The following HACD2 variants were observed in gnomAD, a reference collection of about 807,000 sequenced individuals.
The protein encoded by HACD2 is 3-hydroxyacyl-CoA dehydratase 2, also known as very-long-chain (3R)-3-hydroxyacyl-CoA dehydratase 2.
HACD2 carries 15 observed loss-of-function variants against 31.0 expected under a neutral mutation model. The ratio of observed to expected loss-of-function variants is 0.48; its 90% CI spans 0.32 to 0.75. HACD2 has a LOEUF of 0.75. Among genes scored for constraint, HACD2 ranks in the 30% least tolerant of loss-of-function variants. The pLI is 0.03. For synonymous variants in HACD2, 115 were observed against 122.2 expected, an observed-to-expected ratio of 0.94 and a Z score of 0.39; for missense variants, 283 against 313.0, an observed-to-expected ratio of 0.90 and a Z score of 0.72.
intron 3 of HACD2, among the ~76,000 whole-genome samples, chr3:123,537,630 A>T (rs2056442764): frequency 6.6e-6 from 1 of 151,266 alleles, no homozygotes; most frequent in Non-Finnish European, 1.5e-5. Flanking sequence ...AAGTTTTAAA[A>T]TTTTTTTTTG....
chr3:123,552,017 G>A (rs918894402), intron 3 of HACD2, among the ~76,000 whole-genome samples: 2 of 152,138 alleles, frequency 1.3e-5, no homozygotes, highest in Non-Finnish European at 2.9e-5. Context: ...CAAATTCCAA[G>A]CACAGCTATC....
chr3:123,556,355 T>C (rs2056672553), intron 3 of HACD2, among the ~76,000 whole-genome samples: 1 of 151,188 alleles, frequency 6.6e-6, no homozygotes, highest in African/African-American at 2.4e-5. Flanking sequence ...GAGGATCACC[T>C]GAGCCCTGCA....
intron 2 of HACD2, among the ~76,000 whole-genome samples, chr3:123,570,775 A>C (rs547528836): frequency 6.2e-4 from 94 of 152,314 alleles, no homozygotes; most frequent in African/African-American, 2.0e-3. Context: ...GCAACAAGGA[A>C]TAGGAGAGGA....
intron 4 of HACD2, among the ~76,000 whole-genome samples, chr3:123,514,926 G>A (rs151011935): frequency 5.4e-4 from 83 of 152,296 alleles, no homozygotes; most frequent in African/African-American, 1.9e-3. Flanking sequence ...ATTCAGTTCT[G>A]TGTGAAAAGC....
At chr3:123,532,399 T>G (rs2056373303) in intron 3 of HACD2, among the ~76,000 whole-genome samples, 1 of 152,334 alleles carries the variant, frequency 6.6e-6, no homozygotes, top group East Asian at 1.9e-4. Context: ...CCTGCTCTAC[T>G]GGACCAGTCA....
chr3:123,509,203 T>C (rs890505189), intron 4 of HACD2, among the ~76,000 whole-genome samples: 3 of 151,962 alleles, frequency 2.0e-5, no homozygotes, highest in Non-Finnish European at 4.4e-5. Context: ...TTCATCATTG[T>C]TTTTTAAACC....
At chr3:123,525,813 T>C (rs1212476052) in intron 4 of HACD2, among the ~76,000 whole-genome samples, 1 of 152,248 alleles carries the variant, frequency 6.6e-6, no homozygotes, top group African/African-American at 2.4e-5. Context: ...TAAGCAGTTA[T>C]TTCTAAGGTC....
chr3:123,496,596 A>C (rs1425226963), intron 6 of HACD2, among the ~76,000 whole-genome samples: 1 of 152,224 alleles, frequency 6.6e-6, no homozygotes, highest in Non-Finnish European at 1.5e-5. Context: ...TAAGCATATA[A>C]TTCGACAGGC....
At chr3:123,529,920 A>G (rs1300026757) in intron 3 of HACD2, among the ~76,000 whole-genome samples, 1 of 152,212 alleles carries the variant, frequency 6.6e-6, no homozygotes, top group Non-Finnish European at 1.5e-5. Flanking sequence ...AATTTAAAAA[A>G]AAAAATATAT....
In HACD2 at chr3:123,550,915, G is replaced by C. The variant is rs111263885; in HGVS notation, c.292+16847C>G. Among the ~76,000 whole-genome samples the C allele has an allele frequency of 3.9e-5, 6 of 152,298 alleles. 1 individual carries two copies. Among genetic ancestry groups the C allele is most frequent in the African/African-American group, 1.4e-4 (6 of 41,564 alleles). On this transcript the variant is annotated intron_variant, in intron 3 of 6. Transcript: ENST00000383657. ...ACCATTTGCAGGATGCAGGGAGAAA[G>C]AAGAACCCATGAGGGAATCTCAGGA...
At chr3:123,536,244 T>C (rs2056425133) in intron 3 of HACD2, among the ~76,000 whole-genome samples, 1 of 152,102 alleles carries the variant, frequency 6.6e-6, no homozygotes, top group African/African-American at 2.4e-5. Context: ...GAAAAATGTG[T>C]AAAACAGAAA....
At chr3:123,514,935 G>A (rs2056114467) in intron 4 of HACD2, among the ~76,000 whole-genome samples, 1 of 152,166 alleles carries the variant, frequency 6.6e-6, no homozygotes, top group Non-Finnish European at 1.5e-5. Flanking sequence ...TGTGTGAAAA[G>A]CCAATTATAT....
intron 2 of HACD2, among the ~76,000 whole-genome samples, chr3:123,573,097 A>C (rs549261846): frequency 6.6e-6 from 1 of 152,376 alleles, no homozygotes; most frequent in South Asian, 2.1e-4. Flanking sequence ...TTTACGGTGC[A>C]GAGGTCCATA....
At chr3:123,537,788 A>T (rs1379944673) in intron 3 of HACD2, among the ~76,000 whole-genome samples, 1 of 152,112 alleles carries the variant, frequency 6.6e-6, no homozygotes, top group Non-Finnish European at 1.5e-5. Flanking sequence ...GATTAGCCCT[A>T]TTGATAGAAT....
intron 1 of HACD2, among the ~76,000 whole-genome samples, chr3:123,582,797 T>C (rs1242452381): frequency 6.6e-6 from 1 of 152,224 alleles, no homozygotes; most frequent in Non-Finnish European, 1.5e-5. Context: ...CAATTACCCA[T>C]ACCTTAAAAT....
At chr3:123,502,502 G>T in intron 5 of HACD2, 58 bp downstream of exon 5, 1 of 1,566,878 alleles carries the variant, frequency 6.4e-7, no homozygotes, top group Non-Finnish European at 8.7e-7. Flanking sequence ...AGGCAATAAA[G>T]GGCAAATTCA....
At position 123,531,642 on chromosome 3, in the gene HACD2, C is replaced by CCACA. The variant is rs72255180; in HGVS notation, c.293-3172_293-3169dup. 5.3e-3 allele frequency among the ~76,000 whole-genome samples: 809 copies of CCACA among 152,036 alleles called. 2 individuals carry two copies. Among genetic ancestry groups the CCACA allele is most frequent in the African/African-American group, 0.019 (791 of 41,486 alleles). On this transcript the variant is annotated intron_variant, in intron 3 of 6. Transcript: ENST00000383657. Reference sequence around the variant, plus strand: ...GTTTTTCTTAAAAATGCTTTAGTATCCACACACACACACAACGATTTATTT... The same window carrying CCACA: ...GTTTTTCTTAAAAATGCTTTAGTATCCACACACACACACACACAACGATTTATTT...
chr3:123,561,086 G>C lies in HACD2; in HGVS notation c.292+6676C>G, dbSNP rs559056472. 5.3e-5 allele frequency among the ~76,000 whole-genome samples: 8 copies of C among 152,270 alleles called. No individual in the cohort carries two copies. In the East Asian group the frequency reaches 1.5e-3, roughly 29 times the overall value. ...CTTGGCCCTCTCAAAGTAGCGGGGG[G>C]GCAGAGGAGGGAGTGTTACAGTTCA... On this transcript the variant is annotated intron_variant, in intron 3 of 6. Coordinates refer to ENST00000383657, the MANE Select transcript of HACD2 (RefSeq NM_198402.5).
intron 3 of HACD2, among the ~76,000 whole-genome samples, chr3:123,552,783 T>TA (rs930483351): frequency 6.6e-5 from 10 of 151,190 alleles, no homozygotes; most frequent in East Asian, 1.9e-4. Flanking sequence ...TTAAATTCAG[T>TA]AAAAAAAAGA....
Sources: allele counts gnomAD v4.1 joint callset (sites outside exome capture counted in the v4.1 genomes callset), GRCh38; gene constraint gnomAD v4.1.1; transcripts MANE v1.5; gene names NCBI Gene and HGNC (gene_info 2026-07-23, HGNC 2026-07-21).